The following FBXL7 variants were observed in gnomAD, a reference collection of about 807,000 sequenced individuals.
FBXL7 encodes F-box/LRR-repeat protein 7.
FBXL7 carries 12 observed loss-of-function variants against 38.3 expected under a neutral mutation model. The ratio of observed to expected loss-of-function variants is 0.31; its 90% CI spans 0.20 to 0.51. The LOEUF is 0.51. Among genes scored for constraint, FBXL7 ranks in the 20% least tolerant of loss-of-function variants. FBXL7 has a pLI of 0.98. For synonymous variants in FBXL7, 297 were observed against 300.9 expected, an observed-to-expected ratio of 0.99 and a Z score of 0.13; for missense variants, 567 against 676.4, an observed-to-expected ratio of 0.84 and a Z score of 1.79.
At chr5:15,532,605 G>A (rs774782210) in intron 1 of FBXL7, among the ~76,000 whole-genome samples, 3 of 152,184 alleles carry the variant, frequency 2.0e-5, no homozygotes, top group African/African-American at 4.8e-5. Context: ...AAAGCTGCCT[G>A]GTGGCCAGAA....
intron 2 of FBXL7, among the ~76,000 whole-genome samples, chr5:15,914,664 C>T (rs1287931798): frequency 3.3e-5 from 5 of 152,208 alleles, no homozygotes; most frequent in Non-Finnish European, 5.9e-5. Context: ...AATGTTCCAA[C>T]TTCTTCAATC....
chr5:15,689,304 G>C (rs1743113318), intron 2 of FBXL7, among the ~76,000 whole-genome samples: 1 of 144,606 alleles, frequency 6.9e-6, no homozygotes. Context: ...ACAAGGTAAT[G>C]TTTTCCAGTG....
chr5:15,885,903 T>G (rs1740656947), intron 2 of FBXL7, among the ~76,000 whole-genome samples: 1 of 151,710 alleles, frequency 6.6e-6, no homozygotes, highest in Admixed American at 6.6e-5. Context: ...TTTTTTTTTG[T>G]AGAGACGAGG....
chr5:15,930,018 G>A (rs1238337694), intron 3 of FBXL7, among the ~76,000 whole-genome samples: 1 of 152,120 alleles, frequency 6.6e-6, no homozygotes, highest in African/African-American at 2.4e-5. Flanking sequence ...TTCGAAAGCC[G>A]ACGTCTGAAA....
At chr5:15,913,476 TTC>T (rs1167125827) in intron 2 of FBXL7, among the ~76,000 whole-genome samples, 3 of 152,184 alleles carry the variant, frequency 2.0e-5, no homozygotes, top group Non-Finnish European at 2.9e-5. Flanking sequence ...TAGTGGAGAT[TTC>T]TCTTTTTTTC....
Position 15,692,640 on chromosome 5 carries a change from C to T in FBXL7, c.127+76568C>T, listed in dbSNP as rs370420304. ...GTGGGGACTTCATCCAGGCCTGATCCGAAATGGCCATCAGGCTGCAAATAA... is the reference window on the plus strand; with the variant it reads ...GTGGGGACTTCATCCAGGCCTGATCTGAAATGGCCATCAGGCTGCAAATAA... On this transcript the variant is annotated intron_variant, in intron 2 of 3. Coordinates refer to ENST00000504595, the MANE Select transcript of FBXL7 (RefSeq NM_012304.5). Among the ~76,000 whole-genome samples the T allele has an allele frequency of 5.1e-4, 78 of 152,238 alleles. 2 individuals carry two copies. The South Asian group carries it at 0.014, about 27-fold the overall frequency.
intron 1 of FBXL7, among the ~76,000 whole-genome samples, chr5:15,551,601 A>C (rs778985863): frequency 6.6e-6 from 1 of 152,196 alleles, no homozygotes; most frequent in Non-Finnish European, 1.5e-5. Context: ...ACTCCTGTGG[A>C]TCTTTATTCA....
intron 1 of FBXL7, among the ~76,000 whole-genome samples, chr5:15,570,401 A>T (rs956590652): frequency 6.6e-6 from 1 of 152,158 alleles, no homozygotes; most frequent in Middle Eastern, 3.4e-3. Context: ...GTATTCTCTG[A>T]TCGTAGTTTG....
Position 15,688,320 on chromosome 5 carries a change from C to T in FBXL7, c.127+72248C>T, listed in dbSNP as rs574110630. On this transcript the variant is annotated intron_variant, in intron 2 of 3. Coordinates refer to ENST00000504595, the MANE Select transcript of FBXL7 (RefSeq NM_012304.5). ...CTCCAGTACAAAGATAAGGGTATTA[C>T]GATTAATTCCTAGTCACCATAGGTG... Among the ~76,000 whole-genome samples the T allele has an allele frequency of 3.9e-5, 6 of 152,262 alleles. No individual in the cohort carries two copies. The East Asian group carries it at 7.7e-4, about 20-fold the overall frequency.
At chr5:15,830,184 T>C (rs1053731923) in intron 2 of FBXL7, among the ~76,000 whole-genome samples, 1 of 152,022 alleles carries the variant, frequency 6.6e-6, no homozygotes, top group Admixed American at 6.6e-5. Context: ...ACATAGGTTT[T>C]TGAAAACTTA....
chr5:15,548,441 T>C (rs1400276686), intron 1 of FBXL7, among the ~76,000 whole-genome samples: 2 of 152,218 alleles, frequency 1.3e-5, no homozygotes, highest in Non-Finnish European at 2.9e-5. Context: ...ATACAGGTCC[T>C]GGGTAGTAAG....
intron 2 of FBXL7, among the ~76,000 whole-genome samples, chr5:15,618,116 A>G (rs1740512322): frequency 6.6e-6 from 1 of 151,784 alleles, no homozygotes; most frequent in Non-Finnish European, 1.5e-5. Flanking sequence ...TTAAATTTTC[A>G]TTTTCTTGTG....
At chr5:15,803,037 A>G (rs1000302656) in intron 2 of FBXL7, among the ~76,000 whole-genome samples, 3 of 152,180 alleles carry the variant, frequency 2.0e-5, no homozygotes, top group African/African-American at 7.2e-5. Flanking sequence ...TCCTCTGGAG[A>G]AAATGAGACC....
At chr5:15,689,450 G>A (rs1473028010) in intron 2 of FBXL7, among the ~76,000 whole-genome samples, 1 of 152,030 alleles carries the variant, frequency 6.6e-6, no homozygotes, top group Non-Finnish European at 1.5e-5. Flanking sequence ...GTATCAGTGG[G>A]ATGACATGTA....
At chr5:15,888,768 C>G (rs1453324830) in intron 2 of FBXL7, among the ~76,000 whole-genome samples, 2 of 152,106 alleles carry the variant, frequency 1.3e-5, no homozygotes, top group African/African-American at 4.8e-5. Context: ...CAAAATTGGT[C>G]TTTTGCCTTC....
At position 15,694,768 on chromosome 5, in the gene FBXL7, C is replaced by G. The variant is rs558448904; in HGVS notation, c.127+78696C>G. On this transcript the variant is annotated intron_variant, in intron 2 of 3. Coordinates refer to ENST00000504595, the MANE Select transcript of FBXL7 (RefSeq NM_012304.5). ...GGAATATACATTTTTAAGGCAGGAGCTGGGGAGGAGGTTGAGTGGAAAAAA... is the reference window on the plus strand; with the variant it reads ...GGAATATACATTTTTAAGGCAGGAGGTGGGGAGGAGGTTGAGTGGAAAAAA... Among the ~76,000 whole-genome samples, 325 of 152,116 alleles carry G rather than the reference C, an allele frequency of 2.1e-3. 2 individuals are homozygous for G. Among genetic ancestry groups the G allele is most frequent in the African/African-American group, 7.5e-3 (311 of 41,478 alleles).
intron 2 of FBXL7, among the ~76,000 whole-genome samples, chr5:15,622,488 A>C (rs1740686158): frequency 6.6e-6 from 1 of 151,986 alleles, no homozygotes; most frequent in Non-Finnish European, 1.5e-5. Context: ...TCCTGTGTCC[A>C]AGTGTTCTCA....
chr5:15,517,515 C>T (rs1736975131), intron 1 of FBXL7, among the ~76,000 whole-genome samples: 1 of 152,026 alleles, frequency 6.6e-6, no homozygotes, highest in Non-Finnish European at 1.5e-5. Flanking sequence ...TGAGGTCAGA[C>T]AAGGAGGCGG....
At chr5:15,693,497 T>C (rs938074763) in intron 2 of FBXL7, among the ~76,000 whole-genome samples, 2 of 152,158 alleles carry the variant, frequency 1.3e-5, no homozygotes, top group African/African-American at 4.8e-5. Flanking sequence ...TGTAGAGAAG[T>C]GCAGGGTCTC....
Sources: gnomAD v4.1 joint callset for allele counts (sites outside exome capture counted in the v4.1 genomes callset) on GRCh38, gnomAD v4.1.1 for gene constraint, MANE v1.5 for transcripts, NCBI Gene and HGNC (gene_info 2026-07-23, HGNC 2026-07-21) for gene names.